Variants in PCDH7 observed in about 807,000 individuals in gnomAD.
PCDH7 encodes protocadherin 7.
PCDH7 carries 17 observed loss-of-function variants against 58.9 expected under a neutral mutation model. The ratio of observed to expected loss-of-function variants is 0.29; its 90% CI spans 0.20 to 0.43. The LOEUF (loss-of-function observed/expected upper bound fraction) is 0.43, where lower values mean the gene tolerates loss of function less well. PCDH7 is among the 20% of genes least tolerant of loss of function. The probability of loss-of-function intolerance (pLI) is 1.00; values close to 1 mark genes in which losing one functional copy is unlikely to be tolerated. For missense variants in PCDH7, 1,274 were observed against 1,441.0 expected (o/e 0.88, Z 1.88); for synonymous variants, 664 against 616.4 (o/e 1.08, Z -1.14).
intron 3 of PCDH7, among the ~76,000 whole-genome samples, chr4:31,130,753 C>T (rs910009551): frequency 6.6e-6 from 1 of 152,182 alleles, no homozygotes; most frequent in African/African-American, 2.4e-5. Flanking sequence ...ATCTTCAAAG[C>T]TGGCAATGAC....
chr4:30,797,325 T>G (rs1015658685), intron 1 of PCDH7, among the ~76,000 whole-genome samples: 12 of 151,748 alleles, frequency 7.9e-5, no homozygotes, highest in Admixed American at 2.0e-4. Flanking sequence ...CAGGCTGGAG[T>G]GCAGTGGCTC....
intron 1 of PCDH7, among the ~76,000 whole-genome samples, chr4:30,800,761 A>C (rs1383774460): frequency 6.6e-6 from 1 of 152,248 alleles, no homozygotes; most frequent in African/African-American, 2.4e-5. Context: ...TTATTAGACA[A>C]AAGGCACATC....
chr4:30,725,190 C>T (rs1714438390), intron 1 of PCDH7: 1 of 999,210 alleles, frequency 1.0e-6, no homozygotes, highest in South Asian at 4.7e-5. Context: ...AAATGTCATG[C>T]AAAACTCCAC....
chr4:30,790,299 C>T (rs1486158513), intron 1 of PCDH7, among the ~76,000 whole-genome samples: 1 of 152,142 alleles, frequency 6.6e-6, no homozygotes, highest in Admixed American at 6.5e-5. Flanking sequence ...CTATTATGTT[C>T]ATGATACCCA....
At chr4:30,902,549 A>T (rs1188850896) in intron 1 of PCDH7, among the ~76,000 whole-genome samples, 1 of 152,138 alleles carries the variant, frequency 6.6e-6, no homozygotes, top group Non-Finnish European at 1.5e-5. Flanking sequence ...GGTGAATCAA[A>T]CATTTTAATA....
chr4:30,854,866 C>A (rs948805936), intron 1 of PCDH7, among the ~76,000 whole-genome samples: 1 of 151,894 alleles, frequency 6.6e-6, no homozygotes, highest in Non-Finnish European at 1.5e-5. Flanking sequence ...GTAAAATTTA[C>A]GTTCTATGTA....
chr4:30,844,645 A>G (rs1206141184), intron 1 of PCDH7, among the ~76,000 whole-genome samples: 1 of 152,146 alleles, frequency 6.6e-6, no homozygotes, highest in Non-Finnish European at 1.5e-5. Flanking sequence ...ATTCACACAA[A>G]CCACATTATT....
chr4:30,888,837 T>G (rs1738200857), intron 1 of PCDH7, among the ~76,000 whole-genome samples: 1 of 152,154 alleles, frequency 6.6e-6, no homozygotes, highest in African/African-American at 2.4e-5. Context: ...TATTGGATTT[T>G]GGATATGTTT....
chr4:30,884,828 A>T (rs2109375088), intron 1 of PCDH7: 1 of 152,280 alleles, frequency 6.6e-6, no homozygotes, highest in Non-Finnish European at 1.5e-5. Flanking sequence ...TGGGTCACTC[A>T]GGAGGTCAGG....
chr4:30,833,522 C>A (rs1054488834), intron 1 of PCDH7, among the ~76,000 whole-genome samples: 7 of 152,126 alleles, frequency 4.6e-5, no homozygotes, highest in African/African-American at 1.7e-4. Context: ...ATTTTAAAAT[C>A]ATCTGGTTAG....
intron 3 of PCDH7, among the ~76,000 whole-genome samples, chr4:31,117,184 G>A (rs1389893406): frequency 6.6e-6 from 1 of 152,070 alleles, no homozygotes; most frequent in East Asian, 1.9e-4. Flanking sequence ...TCCCGGCCTA[G>A]GTTTTATGTA....
At chr4:31,053,841 TA>T (rs1756942232) in intron 3 of PCDH7, among the ~76,000 whole-genome samples, 1 of 151,980 alleles carries the variant, frequency 6.6e-6, no homozygotes, top group South Asian at 2.1e-4. Context: ...ACAAAGTATA[TA>T]AAATAATATA....
At chr4:30,782,460 T>C (rs1722925213) in intron 1 of PCDH7, among the ~76,000 whole-genome samples, 1 of 152,188 alleles carries the variant, frequency 6.6e-6, no homozygotes, top group South Asian at 2.1e-4. Context: ...CAAGGACTTT[T>C]TGAGGTTAAA....
At chr4:30,938,845 A>G (rs1016176560) in intron 2 of PCDH7, among the ~76,000 whole-genome samples, 1 of 152,306 alleles carries the variant, frequency 6.6e-6, no homozygotes, top group South Asian at 2.1e-4. Flanking sequence ...TAAGTAAAAT[A>G]CTGACAGAGA....
chr4:30,967,758 A>G (rs951576534), intron 3 of PCDH7, among the ~76,000 whole-genome samples: 24 of 152,260 alleles, frequency 1.6e-4, no homozygotes, highest in African/African-American at 5.5e-4. Flanking sequence ...CAAAGAATTT[A>G]AGAAATGAGG....
intron 1 of PCDH7, among the ~76,000 whole-genome samples, chr4:30,729,856 T>G (rs1430086976): frequency 2.0e-5 from 3 of 152,030 alleles, no homozygotes; most frequent in African/African-American, 7.2e-5. Flanking sequence ...TTGTTAACTT[T>G]CAATTGGATT....
At position 30,722,981 on chromosome 4, in the gene PCDH7, C is replaced by T; in HGVS notation, c.1559C>T (p.Ser520Phe). 6.2e-7 allele frequency: 1 copy of T among 1,613,848 alleles called. No homozygotes were observed. Among genetic ancestry groups the T allele is most frequent in the Non-Finnish European group, 8.5e-7 (1 of 1,180,036 alleles). ...AGCCCCAGCCTCTCGAGCAACAACT[C>T]CCTGATTGTCAAGGTGGGAGACACC... Residue 520 changes from serine (S) to phenylalanine (F), a missense_variant, in exon 1 of 2, where the codon TCC (serine) becomes TTC (phenylalanine). Physicochemically the swap from Ser to Phe is radical, Grantham distance 155. Around this residue, in one of 3 missense-constraint regions of PCDH7, gnomAD observed 731 missense variants for 881.9 expected, o/e 0.83. Transcript: ENST00000361762. The surrounding 1 kb of genome is among the most constrained non-coding windows in gnomAD (Gnocchi z 7.6).
At position 30,739,991 on chromosome 4, in the gene PCDH7, A is replaced by G. The variant is rs749226871; in HGVS notation, c.70+15395A>G. On this transcript the variant is annotated intron_variant, in intron 1 of 3. Transcript: ENST00000509759. ...TTAGGCACTGGTCAACATATTTCAC[A>G]TATATTAACTCATTAAATAGTGATA... Among the ~76,000 whole-genome samples, 125 of 152,358 alleles carry G rather than the reference A, an allele frequency of 8.2e-4. 2 individuals carry two copies. The highest frequency in any genetic ancestry group is 7.2e-4 in the African/African-American group (30 of 41,592).
At chr4:30,934,976 T>G (rs2109430061) in intron 2 of PCDH7, among the ~76,000 whole-genome samples, 1 of 152,238 alleles carries the variant, frequency 6.6e-6, no homozygotes, top group South Asian at 2.1e-4. Context: ...TCCTCAAAGG[T>G]TTATGTGCAG....
Sources: gnomAD v4.1 joint callset for allele counts (sites outside exome capture counted in the v4.1 genomes callset) on GRCh38, gnomAD v4.1.1 for gene constraint, gnomAD v4.1.1 regional missense constraint, Gnocchi (gnomAD v3.1) non-coding constraint, MANE v1.5 for transcripts, NCBI Gene and HGNC (gene_info 2026-07-23, HGNC 2026-07-21) for gene names.